ITPR2: variants seen among roughly 807,000 people sequenced by gnomAD.
The protein encoded by ITPR2 is inositol 1,4,5-trisphosphate receptor type 2, also known as inositol 1,4,5-trisphosphate-gated calcium channel ITPR2.
ITPR2 carries 207 observed loss-of-function variants against 317.1 expected under a neutral mutation model. The observed-to-expected ratio is 0.65, with a 90% CI of 0.58 to 0.73. ITPR2 has a LOEUF of 0.73. ITPR2 is among the 30% of genes least tolerant of loss of function. The pLI, the probability that ITPR2 is intolerant of heterozygous loss-of-function variation, is 0.00. For missense variants in ITPR2, 2,613 were observed against 3,284.0 expected (o/e 0.80, Z 4.99); for synonymous variants, 1,156 against 1,149.1 (o/e 1.01, Z -0.12).
At chr12:26,341,228 G>T (rs1938102831) in intron 55 of ITPR2, among the ~76,000 whole-genome samples, 2 of 152,196 alleles carry the variant, frequency 1.3e-5, no homozygotes, top group Non-Finnish European at 2.9e-5. Context: ...GCTGGGATTT[G>T]AAGCCTCTGC....
intron 43 of ITPR2, among the ~76,000 whole-genome samples, chr12:26,478,175 G>A (rs1231700156): frequency 6.6e-6 from 1 of 152,068 alleles, no homozygotes; most frequent in Non-Finnish European, 1.5e-5. Context: ...CAGAAGTACA[G>A]CCTAAAGATC....
At chr12:26,460,337 C>A (rs1320689175) in intron 45 of ITPR2, among the ~76,000 whole-genome samples, 1 of 152,212 alleles carries the variant, frequency 6.6e-6, no homozygotes, top group Non-Finnish European at 1.5e-5. Flanking sequence ...GAAGTGCACG[C>A]CCATGGAGGA....
rs376912737 is a variant in ITPR2 at position 26,699,897 on chromosome 12, G to C, written c.952-4247C>G. ...GACATGGTCATATGGAGGTCTTTTA[G>C]GACTTAATGTCTTTATGTTAAAAAA... On this transcript the variant is annotated intron_variant, in intron 9 of 56. Coordinates refer to ENST00000381340, the MANE Select transcript of ITPR2 (RefSeq NM_002223.4). Among the ~76,000 whole-genome samples, 5 of 152,180 alleles carry C rather than the reference G, an allele frequency of 3.3e-5. No individual in the cohort carries two copies. In the East Asian group the frequency reaches 9.6e-4, roughly 29 times the overall value.
At chr12:26,567,726 A>G (rs1166257924) in intron 34 of ITPR2, among the ~76,000 whole-genome samples, 1 of 151,732 alleles carries the variant, frequency 6.6e-6, no homozygotes, top group Non-Finnish European at 1.5e-5. Flanking sequence ...ATAAATACTA[A>G]TCCAAAACCA....
chr12:26,419,280 C>T (rs1168919299), intron 49 of ITPR2, 67 bp from the exon 50 acceptor site: 2 of 1,415,678 alleles, frequency 1.4e-6, no homozygotes, highest in Non-Finnish European at 2.0e-6. Context: ...ATGAAAACTA[C>T]TATTCATAGT....
intron 2 of ITPR2, among the ~76,000 whole-genome samples, chr12:26,764,886 C>T (rs1207867089): frequency 2.6e-5 from 4 of 152,050 alleles, no homozygotes; most frequent in Admixed American, 1.3e-4. Context: ...CTTAACCATT[C>T]CTAAATTGTT....
intron 2 of ITPR2, among the ~76,000 whole-genome samples, chr12:26,731,254 A>G (rs550737242): frequency 3.9e-5 from 6 of 152,302 alleles, no homozygotes; most frequent in Middle Eastern, 6.8e-3. Flanking sequence ...AACACCTCAT[A>G]ACCATAGGGA....
chr12:26,749,358 T>A (rs1273551242), intron 2 of ITPR2, among the ~76,000 whole-genome samples: 1 of 152,226 alleles, frequency 6.6e-6, no homozygotes, highest in Non-Finnish European at 1.5e-5. Context: ...AGTGGAAAAG[T>A]CTGAGCTGCA....
chr12:26,391,948 T>C (rs962700180), intron 54 of ITPR2, among the ~76,000 whole-genome samples: 2 of 152,072 alleles, frequency 1.3e-5, no homozygotes, highest in African/African-American at 4.8e-5. Flanking sequence ...AGGGGAAGAT[T>C]GGGATAAGAG....
intron 37 of ITPR2, among the ~76,000 whole-genome samples, chr12:26,530,627 G>A (rs151166134): frequency 3.0e-4 from 45 of 152,220 alleles, no homozygotes; most frequent in African/African-American, 1.0e-3. Context: ...ACTCTGCCTC[G>A]TGTAGGATTC....
rs139987007 is a variant in ITPR2 at position 26,746,153 on chromosome 12, T to C, written c.164-20388A>G. On this transcript the variant is annotated intron_variant, in intron 2 of 56. Transcript: ENST00000381340. ...GATAAATATGAAACATATCACCCCA[T>C]TCATCCCAAGTGAGCACAAATAGCT... is the stretch of plus-strand genomic sequence containing the variant. Among the ~76,000 whole-genome samples the C allele has an allele frequency of 1.3e-3, 194 of 151,230 alleles. 1 individual carries two copies. The highest frequency in any genetic ancestry group is 4.5e-3 in the African/African-American group (187 of 41,216).
chr12:26,454,826 C>A (rs1941841207), intron 45 of ITPR2, among the ~76,000 whole-genome samples: 1 of 152,026 alleles, frequency 6.6e-6, no homozygotes, highest in Non-Finnish European at 1.5e-5. Context: ...AGTCGTTTGA[C>A]CTTTTTATGT....
intron 43 of ITPR2, among the ~76,000 whole-genome samples, chr12:26,478,302 C>T (rs1332949148): frequency 1.3e-5 from 2 of 151,942 alleles, no homozygotes; most frequent in African/African-American, 4.8e-5. Context: ...TCTTTTTCTG[C>T]TCCATTTTCA....
chr12:26,381,133 T>C (rs7975710), intron 55 of ITPR2, among the ~76,000 whole-genome samples: 29,388 of 152,138 alleles, frequency 0.19, 3,202 homozygotes, highest in East Asian at 0.41. Context: ...AGGCCACAGA[T>C]GGATTAATGT....
At chr12:26,644,053 G>A (rs911469491) in intron 21 of ITPR2, among the ~76,000 whole-genome samples, 1 of 152,142 alleles carries the variant, frequency 6.6e-6, no homozygotes, top group Non-Finnish European at 1.5e-5. Flanking sequence ...AGAGAAGCCA[G>A]GACCTACTGT....
intron 50 of ITPR2, among the ~76,000 whole-genome samples, chr12:26,418,124 A>G (rs991530069): frequency 6.6e-6 from 1 of 152,210 alleles, no homozygotes; most frequent in Non-Finnish European, 1.5e-5. Context: ...GTTTGAGGGT[A>G]TATGGAAAAT....
At position 26,658,027 on chromosome 12, in the gene ITPR2, T is replaced by G; in HGVS notation, c.1990A>C (p.Ile664Leu). 1 of 1,612,708 alleles carries G rather than the reference T, an allele frequency of 6.2e-7. No homozygotes were observed. The highest frequency in any genetic ancestry group is 8.5e-7 in the Non-Finnish European group (1 of 1,179,456). ...TGGGCTTACTTAGTTTGAATGAGAA[T>G]GTCTGCATTGCCTGGACTCAACATA... ...KFMLSPGNAD[I>L]LIQTKVVSMQ... The change falls in exon 17 of 57, where the codon ATT (isoleucine) becomes CTT (leucine). Residue 664 changes from isoleucine to leucine, a missense_variant. Ile to Leu is a conservative substitution (Grantham distance 5, BLOSUM62 2). Transcript: ENST00000381340.
At chr12:26,482,822 A>G (rs1217280886) in intron 42 of ITPR2, among the ~76,000 whole-genome samples, 1 of 152,184 alleles carries the variant, frequency 6.6e-6, no homozygotes, top group Non-Finnish European at 1.5e-5. Context: ...TCTCATGTAA[A>G]CTGCAATGTT....
rs949784664 is a variant in ITPR2, at chr12:26,338,647, T to C, written c.*750A>G. The stretch of plus-strand genomic sequence containing the variant: ...GTTGGCTTTTTATTCCCCCAGATCT[T>C]CTTAAAATCTTAGCCTATACATGAC... On this transcript the variant is annotated 3_prime_UTR_variant, in exon 57 of 57. Transcript: ENST00000381340. 4 of 152,178 alleles carry C rather than the reference T, an allele frequency of 2.6e-5. No homozygotes were observed. The highest frequency in any genetic ancestry group is 5.9e-5 in the Non-Finnish European group (4 of 68,018). The allele number at this position is 152,178 out of a possible 1,614,324, so 9.4% of individuals were successfully genotyped here. A position where few individuals can be genotyped will look rare whatever the true frequency, so the allele number is the denominator to read the frequency against.
Sources: allele counts gnomAD v4.1 joint callset (sites outside exome capture counted in the v4.1 genomes callset), GRCh38; gene constraint gnomAD v4.1.1; transcripts MANE v1.5; gene names NCBI Gene and HGNC (gene_info 2026-07-23, HGNC 2026-07-21).